The following TRIM38 variants were observed in gnomAD, a reference collection of about 807,000 sequenced individuals.
TRIM38 encodes E3 ubiquitin-protein ligase TRIM38.
In TRIM38, 35 loss-of-function variants were observed where a neutral mutation model predicts 35.8. The observed-to-expected ratio is 0.98, with a 90% CI of 0.75 to 1.30. TRIM38 has a LOEUF of 1.30. Among genes scored for constraint, TRIM38 ranks in the 50% most tolerant of loss-of-function variants. The pLI is 0.00. For missense variants in TRIM38, 545 were observed against 556.9 expected, an observed-to-expected ratio of 0.98 and a Z score of 0.21; for synonymous variants, 198 against 204.7, an observed-to-expected ratio of 0.97 and a Z score of 0.28.
At chr6:25,965,722 G>GAGACCATCGT (rs60252649) in intron 2 of TRIM38, among the ~76,000 whole-genome samples, 1 of 151,802 alleles carries the variant, frequency 6.6e-6, no homozygotes, top group East Asian at 1.9e-4. Flanking sequence ...TCAAGAGATC[G>GAGACCATCGT]AGCCAACCAA....
At position 25,982,152 on chromosome 6, in the gene TRIM38, G is replaced by C. The variant is rs149710827; in HGVS notation, c.875-1012G>C. 1.7e-3 allele frequency among the ~76,000 whole-genome samples: 264 copies of C among 152,252 alleles called. 2 individuals carry two copies. The highest frequency in any genetic ancestry group is 6.2e-3 in the African/African-American group (258 of 41,540). The stretch of plus-strand genomic sequence containing the variant: ...AGCCTAGGGCATAAAACCCCTTGTG[G>C]CTTGGATGGAACCCAGGGCTCAGGG... On this transcript the variant is annotated intron_variant, in intron 7 of 7. Transcript: ENST00000357085.
In TRIM38 at chr6:25,966,436, G is replaced by A; in HGVS notation, c.-87G>A. On this transcript the variant is annotated 5_prime_UTR_variant, in exon 3 of 8. Coordinates refer to ENST00000357085, the MANE Select transcript of TRIM38 (RefSeq NM_006355.5). ...AGCCAGCTCATCACATAGAGGTGCAGGTGAGGTGTATTTTCATCACGGTGG... is the reference window on the plus strand; with the variant it reads ...AGCCAGCTCATCACATAGAGGTGCAAGTGAGGTGTATTTTCATCACGGTGG... The A allele has an allele frequency of 1.1e-5, 15 of 1,383,678 alleles. No homozygotes were observed. The highest frequency in any genetic ancestry group is 2.5e-5 in the Admixed American group (1 of 39,548). 85.7% of individuals were successfully genotyped at this position (1,383,678 alleles called of 1,614,324 possible).
chr6:25,983,691 A>G lies in TRIM38; in HGVS notation c.*4A>G. The stretch of plus-strand genomic sequence containing the variant: ...TCTGCCTCCCCCAGGTGACTAAGGA[A>G]AAGAGCAGAAGCTCCTTGGTTTAAC... On this transcript the variant is annotated 3_prime_UTR_variant, in exon 8 of 8. Transcript: ENST00000357085. 1 of 1,565,760 alleles carries G rather than the reference A, an allele frequency of 6.4e-7. No homozygotes were observed. Among genetic ancestry groups the G allele is most frequent in the Non-Finnish European group, 8.6e-7 (1 of 1,160,512 alleles).
chr6:25,969,274 C>G, intron 3 of TRIM38, 51 bp from the exon 4 acceptor site: 1 of 1,364,098 alleles, frequency 7.3e-7, no homozygotes, highest in Non-Finnish European at 1.0e-6. Flanking sequence ...CCCTAGGTCC[C>G]TAATGAAGAG....
At chr6:25,965,720 T>TGGAGACCATC (rs1237738370) in intron 2 of TRIM38, among the ~76,000 whole-genome samples, 17 of 38,882 alleles carry the variant, frequency 4.4e-4, no homozygotes, top group Admixed American at 3.9e-3. Flanking sequence ...GGTCAAGAGA[T>TGGAGACCATC]CGAGCCAACC....
In TRIM38 at chr6:25,966,355, A is replaced by C. The variant is rs1249544402; in HGVS notation, c.-168A>C. On this transcript the variant is annotated 5_prime_UTR_variant, in exon 3 of 8. Transcript: ENST00000357085. The stretch of plus-strand genomic sequence containing the variant: ...TTTAGGTCCTCTTTTCTTCAATACA[A>C]AATGAGATAATAGGGGTTGGAAGGA... 1.5e-6 allele frequency: 1 copy of C among 683,576 alleles called. No individual in the cohort carries two copies. The highest frequency in any genetic ancestry group is 1.8e-5 in the African/African-American group (1 of 55,460). 42.3% of individuals were successfully genotyped at this position (683,576 alleles called of 1,614,324 possible).
chr6:25,967,107 A>G (rs1760083237), intron 3 of TRIM38, among the ~76,000 whole-genome samples, 174 bp downstream of exon 3: 1 of 152,226 alleles, frequency 6.6e-6, no homozygotes, highest in South Asian at 2.1e-4. Flanking sequence ...TAGACTGTCC[A>G]TCCTGACCTT....
chr6:25,979,077 C>T (rs1409462958), intron 7 of TRIM38, among the ~76,000 whole-genome samples: 1 of 151,768 alleles, frequency 6.6e-6, no homozygotes, highest in Non-Finnish European at 1.5e-5. Flanking sequence ...AATACATACA[C>T]TATACATATA....
Position 25,973,738 on chromosome 6 carries a change from GGTGA to G in TRIM38, c.874+456_874+459del, listed in dbSNP as rs960902201. On this transcript the variant is annotated intron_variant, in intron 7 of 7. Coordinates refer to ENST00000357085, the MANE Select transcript of TRIM38 (RefSeq NM_006355.5). Reference sequence around the variant, plus strand: ...CTCTTAGAGCAATGCAAGAAAAGTAGGTGAGTATGATAACCTATCATTCACATAT... The same window carrying G: ...CTCTTAGAGCAATGCAAGAAAAGTAGGTATGATAACCTATCATTCACATAT... 5 of 985,232 alleles carry G rather than the reference GGTGA, an allele frequency of 5.1e-6. No homozygotes were observed. In the African/African-American group the frequency reaches 8.7e-5, roughly 17 times the overall value. 61.0% of individuals were successfully genotyped at this position (985,232 alleles called of 1,614,324 possible).
In TRIM38 at chr6:25,988,270, G is replaced by A. The variant is rs1022487332; in HGVS notation, c.*4583G>A. The A allele has an allele frequency of 3.3e-5, 5 of 152,118 alleles. No individual in the cohort carries two copies. Among genetic ancestry groups the A allele is most frequent in the African/African-American group, 1.2e-4 (5 of 41,410 alleles). The allele number at this position is 152,118 out of a possible 1,614,324, so 9.4% of individuals were successfully genotyped here. On this transcript the variant is annotated 3_prime_UTR_variant, in exon 8 of 8. Coordinates refer to ENST00000357085, the MANE Select transcript of TRIM38 (RefSeq NM_006355.5). Reference sequence around the variant, plus strand: ...AGCAAGGAGCAGTACCTGTTCTGCTGTTGTACACTGCTGCTTCAGTAAAAG... The same window carrying A: ...AGCAAGGAGCAGTACCTGTTCTGCTATTGTACACTGCTGCTTCAGTAAAAG...
chr6:25,976,989 GTGATTTACCCA>G (rs752088663), intron 7 of TRIM38, among the ~76,000 whole-genome samples: 2 of 152,162 alleles, frequency 1.3e-5, no homozygotes, highest in African/African-American at 2.4e-5. Context: ...TCAGGCCTCT[GTGATTTACCCA>G]TGATTTACTG....
intron 7 of TRIM38, among the ~76,000 whole-genome samples, chr6:25,979,354 C>T (rs760326581): frequency 6.6e-5 from 10 of 151,928 alleles, no homozygotes; most frequent in African/African-American, 1.9e-4. Flanking sequence ...TAAAGATGCA[C>T]GTTTTATTAT....
intron 7 of TRIM38, among the ~76,000 whole-genome samples, chr6:25,977,181 C>T (rs1272050571): frequency 6.6e-6 from 1 of 152,120 alleles, no homozygotes; most frequent in Admixed American, 6.6e-5. Context: ...TCTTTTATGT[C>T]CAAAGAGCTT....
chr6:25,980,540 C>G (rs1459722168), intron 7 of TRIM38, among the ~76,000 whole-genome samples: 10 of 152,024 alleles, frequency 6.6e-5, no homozygotes, highest in Admixed American at 6.6e-4. Context: ...TGTGCTTCAG[C>G]CTCCCAAGTA....
In TRIM38 at chr6:25,985,741, C is replaced by T. The variant is rs921511649; in HGVS notation, c.*2054C>T. On this transcript the variant is annotated 3_prime_UTR_variant, in exon 8 of 8. Coordinates refer to ENST00000357085, the MANE Select transcript of TRIM38 (RefSeq NM_006355.5). ...AATCTGGATATTCATAAGCTCTTCTCTACCTCTTGGCATCCCACAGTCCTG... is the reference window on the plus strand; with the variant it reads ...AATCTGGATATTCATAAGCTCTTCTTTACCTCTTGGCATCCCACAGTCCTG... The T allele has an allele frequency of 5.9e-5, 9 of 152,200 alleles. No individual in the cohort carries two copies. Among genetic ancestry groups the T allele is most frequent in the African/African-American group, 2.2e-4 (9 of 41,432 alleles). 9.4% of individuals were successfully genotyped at this position (152,200 alleles called of 1,614,324 possible). A position where few individuals can be genotyped will look rare whatever the true frequency, so the allele number is the denominator to read the frequency against.
intron 3 of TRIM38, among the ~76,000 whole-genome samples, chr6:25,967,522 T>G: frequency 7.6e-6 from 1 of 131,314 alleles, no homozygotes; most frequent in African/African-American, 2.9e-5. Flanking sequence ...CTGGTACCTC[T>G]ACTTTTTTTT....
intron 7 of TRIM38, chr6:25,975,442 T>G (rs1760364530): frequency 4.1e-6 from 1 of 245,558 alleles, no homozygotes; most frequent in African/African-American, 2.3e-5. Context: ...CCTCAGGTGA[T>G]CTGCCTGTCT....
chr6:25,986,165 A>G lies in TRIM38; in HGVS notation c.*2478A>G, dbSNP rs940155079. ...TTTGAAAACCTTTAAAAAGAAACCA[A>G]TGGCCTAACTGACCCAAGAAGGGAA... On this transcript the variant is annotated 3_prime_UTR_variant, in exon 8 of 8. Coordinates refer to ENST00000357085, the MANE Select transcript of TRIM38 (RefSeq NM_006355.5). 1 of 152,226 alleles carries G rather than the reference A, an allele frequency of 6.6e-6. No homozygotes were observed. Among genetic ancestry groups the G allele is most frequent in the African/African-American group, 2.4e-5 (1 of 41,454 alleles). 9.4% of individuals were successfully genotyped at this position (152,226 alleles called of 1,614,324 possible).
In TRIM38 at chr6:25,984,584, C is replaced by G. The variant is rs1305806209; in HGVS notation, c.*897C>G. On this transcript the variant is annotated 3_prime_UTR_variant, in exon 8 of 8. Transcript: ENST00000357085. ...GCTAAATGTTATAATTTAGAGTTGACATAAAAATTGATGGCCAGGCATGGT... is the reference window on the plus strand; with the variant it reads ...GCTAAATGTTATAATTTAGAGTTGAGATAAAAATTGATGGCCAGGCATGGT... The G allele has an allele frequency of 6.6e-6, 1 of 152,086 alleles. No homozygotes were observed. Among genetic ancestry groups the G allele is most frequent in the Non-Finnish European group, 1.5e-5 (1 of 68,006 alleles). 9.4% of individuals were successfully genotyped at this position (152,086 alleles called of 1,614,324 possible).
Sources: gnomAD v4.1 joint callset for allele counts (sites outside exome capture counted in the v4.1 genomes callset) on GRCh38, gnomAD v4.1.1 for gene constraint, MANE v1.5 for transcripts, NCBI Gene and HGNC (gene_info 2026-07-23, HGNC 2026-07-21) for gene names.